YARS1: variants seen among roughly 807,000 people sequenced by gnomAD.
The protein encoded by YARS1 is tyrosine--tRNA ligase, cytoplasmic.
YARS1 carries 36 observed loss-of-function variants against 62.2 expected under a neutral mutation model. The observed-to-expected ratio is 0.58, with a 90% CI of 0.44 to 0.76. The LOEUF is 0.76. YARS1 is among the 30% of genes least tolerant of loss of function. The pLI, the probability that YARS1 is intolerant of heterozygous loss-of-function variation, is 0.00. For missense variants in YARS1, 524 were observed against 639.8 expected (o/e 0.82, Z 1.95); for synonymous variants, 234 against 244.9 (o/e 0.96, Z 0.42).
At chr1:32,777,614 A>T (rs1398603212) in intron 12 of YARS1, among the ~76,000 whole-genome samples, 1 of 152,156 alleles carries the variant, frequency 6.6e-6, no homozygotes, top group Non-Finnish European at 1.5e-5. Context: ...CCATCTTGGA[A>T]AAATAAATAA....
chr1:32,782,080 C>A, intron 9 of YARS1: 1 of 320,830 alleles, frequency 3.1e-6, no homozygotes, highest in East Asian at 7.4e-5. Flanking sequence ...GTTAAGATTA[C>A]AGGTGTGAGC....
intron 10 of YARS1, 132 bp from the exon 11 acceptor site, chr1:32,780,410 T>A: frequency 1.0e-6 from 1 of 989,970 alleles, no homozygotes; most frequent in Non-Finnish European, 1.6e-6. Flanking sequence ...GAGCTAACTT[T>A]CTTTCCACGT....
rs1007891148 is a variant in YARS1, at chr1:32,775,715, C to A, written c.*266G>T. ...AATGAGTTATATTGAAACCAGATTT[C>A]TCCAGCTGCCAAGGGAAGAAGGTAG... On this transcript the variant is annotated 3_prime_UTR_variant, in exon 13 of 13. Coordinates refer to ENST00000373477, the MANE Select transcript of YARS1 (RefSeq NM_003680.4). 3.7e-6 allele frequency: 2 copies of A among 543,920 alleles called. No homozygotes were observed. Among genetic ancestry groups the A allele is most frequent in the African/African-American group, 3.8e-5 (2 of 52,936 alleles). 33.7% of individuals were successfully genotyped at this position (543,920 alleles called of 1,614,324 possible). A position where few individuals can be genotyped will look rare whatever the true frequency, so the allele number is the denominator to read the frequency against.
intron 6 of YARS1, among the ~76,000 whole-genome samples, chr1:32,790,400 C>G (rs1256764204): frequency 1.3e-5 from 2 of 148,514 alleles, no homozygotes; most frequent in Admixed American, 6.8e-5. Flanking sequence ...GTAGTCCCAG[C>G]TACTCTGGGA....
Position 32,817,174 on chromosome 1 carries a change from C to A in YARS1, c.57+14G>T, listed in dbSNP as rs72654020. 0.098 allele frequency: 157,655 copies of A among 1,613,904 alleles called. 8,614 individuals carry two copies. Among genetic ancestry groups the A allele is most frequent in the Admixed American group, 0.2 (11,914 of 60,014 alleles). Reference sequence around the variant, plus strand: ...CTAATCCCCAACGGCGCATTTCCAACCCCCAGGCCTGACCTGCAGGTTCCG... The same window carrying A: ...CTAATCCCCAACGGCGCATTTCCAAACCCCAGGCCTGACCTGCAGGTTCCG... On this transcript the variant is annotated intron_variant, in intron 1 of 12. Coordinates refer to ENST00000373477, the MANE Select transcript of YARS1 (RefSeq NM_003680.4).
chr1:32,791,287 A>G, intron 5 of YARS1, 33 bp from the exon 6 acceptor site: 1 of 1,573,958 alleles, frequency 6.4e-7, no homozygotes, highest in Non-Finnish European at 8.7e-7. Flanking sequence ...AAAAGCCGAT[A>G]TTAGTCTAAG....
chr1:32,775,790 C>T lies in YARS1; in HGVS notation c.*191G>A, dbSNP rs1652836374. 3.2e-6 allele frequency: 2 copies of T among 623,820 alleles called. No homozygotes were observed. Among genetic ancestry groups the T allele is most frequent in the Non-Finnish European group, 2.9e-6 (1 of 348,156 alleles). 38.6% of individuals were successfully genotyped at this position (623,820 alleles called of 1,614,324 possible). A position where few individuals can be genotyped will look rare whatever the true frequency, so the allele number is the denominator to read the frequency against. ...GCCCTTGTTAGGGGTTGGTCTCTCA[C>T]TGCAGCCAGACAGGATGATCCTGGG... On this transcript the variant is annotated 3_prime_UTR_variant, in exon 13 of 13. Transcript: ENST00000373477.
chr1:32,786,885 A>T, intron 7 of YARS1, 55 bp downstream of exon 7: 1 of 1,612,064 alleles, frequency 6.2e-7, no homozygotes, highest in Admixed American at 1.7e-5. Flanking sequence ...GTATGATCAC[A>T]GCACGAACTT....
At position 32,776,724 on chromosome 1, in the gene YARS1, C is replaced by T. The variant is rs1409696767; in HGVS notation, c.1477-633G>A. Reference sequence around the variant, plus strand: ...GCTCACACCTATAATCCCAGCATTTCGGGAGGCCGAGGTGGGCGGATCACG... The same window carrying T: ...GCTCACACCTATAATCCCAGCATTTTGGGAGGCCGAGGTGGGCGGATCACG... On this transcript the variant is annotated intron_variant, in intron 12 of 12. Transcript: ENST00000373477. The surrounding 1 kb of genome is among the most constrained non-coding windows in gnomAD (Gnocchi z 4.0). Among the ~76,000 whole-genome samples, 2 of 151,912 alleles carry T rather than the reference C, an allele frequency of 1.3e-5. No homozygotes were observed. The highest frequency in any genetic ancestry group is 2.9e-5 in the Non-Finnish European group (2 of 68,000).
chr1:32,804,389 C>T (rs1484215613), intron 4 of YARS1, among the ~76,000 whole-genome samples: 1 of 150,600 alleles, frequency 6.6e-6, no homozygotes, highest in Admixed American at 6.6e-5. Context: ...CACCTCCCTC[C>T]TGGACAGGGC....
At chr1:32,794,106 T>C (rs367689254) in intron 5 of YARS1, among the ~76,000 whole-genome samples, 2 of 152,292 alleles carry the variant, frequency 1.3e-5, no homozygotes, top group South Asian at 4.1e-4. Context: ...TCCCAGAACT[T>C]TGGGAGGCCA....
chr1:32,806,834 G>A (rs1638476533), intron 3 of YARS1, among the ~76,000 whole-genome samples: 1 of 152,180 alleles, frequency 6.6e-6, no homozygotes, highest in South Asian at 2.1e-4. Flanking sequence ...AGAGGAGGGT[G>A]AGGATTCAAA....
At chr1:32,800,353 T>C (rs1210244384) in intron 4 of YARS1, among the ~76,000 whole-genome samples, 1 of 152,066 alleles carries the variant, frequency 6.6e-6, no homozygotes, top group Non-Finnish European at 1.5e-5. Flanking sequence ...TCAAGCATTA[T>C]AAAGGGCTAG....
At chr1:32,805,039 C>T (rs1417030584) in intron 4 of YARS1, among the ~76,000 whole-genome samples, 2 of 152,056 alleles carry the variant, frequency 1.3e-5, no homozygotes, top group African/African-American at 4.8e-5. Flanking sequence ...GAGACCAGCC[C>T]GGCCAACACA....
At chr1:32,811,089 T>C in intron 1 of YARS1, 32 bp from the exon 2 acceptor site, 2 of 1,613,474 alleles carry the variant, frequency 1.2e-6, no homozygotes, top group East Asian at 2.2e-5. Flanking sequence ...TAGTTTAATG[T>C]CAGTGCCTCA....
rs377419078 is a variant in YARS1, at chr1:32,779,451, C to A, written c.1407G>T (p.Val469=). Residue 469 remains valine, a synonymous_variant, in exon 12 of 13, where the codon GTG becomes GTT. Transcript: ENST00000373477. ...AGSAPGEHVF[V]KGYEKGQPDE... is the part of the protein sequence containing the mutation. ...CTGGTTGGCCCTTTTCATAGCCCTT[C>A]ACAAACACGTGCTCACCAGGAGCAG... is the stretch of plus-strand genomic sequence containing the variant. The A allele has an allele frequency of 1.9e-6, 3 of 1,614,224 alleles. No homozygotes were observed. The highest frequency in any genetic ancestry group is 2.2e-5 in the East Asian group (1 of 44,886).
rs1049051823 is a variant in YARS1 at position 32,798,343 on chromosome 1, T to C, written c.511-500A>G. ...AGTGTTTGCGGTGAACATTACTCTA[T>C]GTGGATGTCATGGGATAAAAAAATA... On this transcript the variant is annotated intron_variant, in intron 4 of 12. Coordinates refer to ENST00000373477, the MANE Select transcript of YARS1 (RefSeq NM_003680.4). 29 of 178,948 alleles carry C rather than the reference T, an allele frequency of 1.6e-4. No individual in the cohort carries two copies. In the South Asian group the frequency reaches 3.0e-3, roughly 19 times the overall value. 11.1% of individuals were successfully genotyped at this position (178,948 alleles called of 1,614,324 possible). A position where few individuals can be genotyped will look rare whatever the true frequency, so the allele number is the denominator to read the frequency against.
chr1:32,802,710 G>A (rs1347665541), intron 4 of YARS1, among the ~76,000 whole-genome samples: 1 of 152,130 alleles, frequency 6.6e-6, no homozygotes, highest in Admixed American at 6.6e-5. Context: ...TTGAGGAGTA[G>A]GTCTCAAAAG....
Position 32,776,085 on chromosome 1 carries a change from A to G in YARS1, c.1483T>C (p.Phe495Leu). 6.2e-7 allele frequency: 1 copy of G among 1,613,638 alleles called. No individual in the cohort carries two copies. The highest frequency in any genetic ancestry group is 1.3e-5 in the African/African-American group (1 of 75,036). Residue 495 changes from phenylalanine (F) to leucine (L), a missense_variant, in exon 13 of 13, where the codon TTC becomes CTC. Phe to Leu is a conservative substitution (Grantham distance 22). Transcript: ENST00000373477. This position sits in a 1 kb window ranked among gnomAD's most constrained non-coding sequence, Gnocchi z 4.0. ...KKVFEKLQAD[F>L]KISEECIAQW... is the part of the protein sequence containing the mutation. ...GCGATGCACTCCTCAGAAATTTTGA[A>G]GTCAGCCTGGACAAGACAGATAAGA...
Sources: allele counts gnomAD v4.1 joint callset (sites outside exome capture counted in the v4.1 genomes callset), GRCh38; gene constraint gnomAD v4.1.1; non-coding constraint Gnocchi (gnomAD v3.1); transcripts MANE v1.5; gene names NCBI Gene and HGNC (gene_info 2026-07-23, HGNC 2026-07-21).